GALNT13: variants seen among roughly 807,000 people sequenced by gnomAD.
GALNT13 encodes UDP-GalNAc:polypeptide N-acetylgalactosaminyltransferase 13.
GALNT13 carries 28 observed loss-of-function variants against 64.2 expected under a neutral mutation model. That is an observed-to-expected ratio of 0.44 (90% confidence interval 0.32 to 0.60). GALNT13 has a LOEUF of 0.60. Ranked by LOEUF, GALNT13 falls within the 20% of genes least tolerant of loss-of-function variation. The pLI is 0.05. For synonymous variants in GALNT13, 214 were observed against 224.6 expected (o/e 0.95, Z 0.42); for missense variants, 577 against 669.8 (o/e 0.86, Z 1.53).
chr2:153,317,251 C>T, the GALNT13 span, among the ~76,000 whole-genome samples: 1 of 152,026 alleles, frequency 6.6e-6, no homozygotes, highest in African/African-American at 2.4e-5. Context: ...CAATATAGTT[C>T]ATGTTTCAAA....
the GALNT13 span, among the ~76,000 whole-genome samples, chr2:153,100,965 G>T: frequency 6.6e-6 from 1 of 152,104 alleles, no homozygotes; most frequent in Non-Finnish European, 1.5e-5. Context: ...AGAGGCAGAG[G>T]TTGCAGTGAG....
the GALNT13 span, among the ~76,000 whole-genome samples, chr2:153,527,852 A>C: frequency 6.6e-6 from 1 of 151,962 alleles, no homozygotes. Flanking sequence ...TTTAATTTTT[A>C]TCAGCTTAAA....
rs578246818 is a variant in GALNT13, at chr2:154,435,721, G to A, written c.1396-2871G>A. ...AGTATTGGGAAGAAATCCTCAATTTGGGATTAACTCCAAGACTGGGAATAA... is the reference window on the plus strand; with the variant it reads ...AGTATTGGGAAGAAATCCTCAATTTAGGATTAACTCCAAGACTGGGAATAA... On this transcript the variant is annotated intron_variant, in intron 11 of 12. Coordinates refer to ENST00000392825, the MANE Select transcript of GALNT13 (RefSeq NM_052917.4). 1.4e-4 allele frequency: 22 copies of A among 152,180 alleles called. No homozygotes were observed. In the South Asian group the frequency reaches 4.6e-3, roughly 32 times the overall value. 9.4% of individuals were successfully genotyped at this position (152,180 alleles called of 1,614,324 possible). A position where few individuals can be genotyped will look rare whatever the true frequency, so the allele number is the denominator to read the frequency against.
At chr2:154,245,755 G>C in intron 6 of GALNT13, 57 bp from the exon 7 acceptor site, 1 of 1,176,690 alleles carries the variant, frequency 8.5e-7, no homozygotes, top group Non-Finnish European at 1.2e-6. Flanking sequence ...GTTTGAAGAA[G>C]ATAATGTAAC....
At chr2:154,098,528 G>A (rs889343240) in intron 3 of GALNT13, among the ~76,000 whole-genome samples, 6 of 151,914 alleles carry the variant, frequency 3.9e-5, no homozygotes, top group Non-Finnish European at 8.8e-5. Context: ...TGAGATTTGA[G>A]CTTCTAGTGT....
chr2:153,261,308 T>C, the GALNT13 span, among the ~76,000 whole-genome samples: 5 of 152,300 alleles, frequency 3.3e-5, no homozygotes, highest in East Asian at 7.8e-4. Flanking sequence ...GTATTTATTG[T>C]AGTATTCTCA....
chr2:153,279,098 A>AT, the GALNT13 span, among the ~76,000 whole-genome samples: 1 of 151,914 alleles, frequency 6.6e-6, no homozygotes, highest in Non-Finnish European at 1.5e-5. Context: ...AAACCTAGGT[A>AT]TTTTTTTGTG....
chr2:153,873,099 C>T (rs564455330), intron 1 of GALNT13, among the ~76,000 whole-genome samples: 2 of 152,268 alleles, frequency 1.3e-5, no homozygotes, highest in East Asian at 3.9e-4. Context: ...ATCTCTCTGC[C>T]CCGTCTTCCC....
At chr2:153,308,261 A>G in the GALNT13 span, among the ~76,000 whole-genome samples, 1 of 152,190 alleles carries the variant, frequency 6.6e-6, no homozygotes, top group East Asian at 1.9e-4. Flanking sequence ...TCTGAAATGT[A>G]TTACACACTT....
chr2:153,978,367 T>G (rs2105149213), intron 3 of GALNT13, among the ~76,000 whole-genome samples: 1 of 152,242 alleles, frequency 6.6e-6, no homozygotes, highest in African/African-American at 2.4e-5. Flanking sequence ...TTCCTCTTTG[T>G]TTTGCGTGAC....
the GALNT13 span, among the ~76,000 whole-genome samples, chr2:153,549,088 C>A: frequency 6.6e-6 from 1 of 152,092 alleles, no homozygotes; most frequent in East Asian, 1.9e-4. Context: ...AATAGATTAG[C>A]GGTTGCCAGG....
At chr2:153,537,031 T>G in the GALNT13 span, among the ~76,000 whole-genome samples, 1 of 152,208 alleles carries the variant, frequency 6.6e-6, no homozygotes, top group Non-Finnish European at 1.5e-5. Context: ...AGGTGAATAT[T>G]GAGCTGCTTT....
At chr2:153,321,959 T>G in the GALNT13 span, among the ~76,000 whole-genome samples, 1 of 139,760 alleles carries the variant, frequency 7.2e-6, no homozygotes, top group African/African-American at 2.7e-5. Flanking sequence ...TTTAACATAT[T>G]TTGTGTGTAA....
At chr2:153,291,807 A>G in the GALNT13 span, among the ~76,000 whole-genome samples, 240 of 151,210 alleles carry the variant, frequency 1.6e-3, 7 homozygotes, top group East Asian at 0.041. Flanking sequence ...AAATGTGTGT[A>G]AAAGTACGAA....
At chr2:154,255,849 C>T (rs1009482820) in intron 7 of GALNT13, among the ~76,000 whole-genome samples, 1 of 151,908 alleles carries the variant, frequency 6.6e-6, no homozygotes, top group Non-Finnish European at 1.5e-5. Flanking sequence ...CCCAGGAGTT[C>T]AAGATCAGCC....
rs1699046214 is a variant in GALNT13 at position 154,396,214 on chromosome 2, T to C, written c.1296+84T>C. ...AAGGAGCTCAGTATTTTTTATGTTATGAAAATGCTGTAAGGGATTTTTAAT... is the reference window on the plus strand; with the variant it reads ...AAGGAGCTCAGTATTTTTTATGTTACGAAAATGCTGTAAGGGATTTTTAAT... On this transcript the variant is annotated intron_variant, in intron 10 of 12. Coordinates refer to ENST00000392825, the MANE Select transcript of GALNT13 (RefSeq NM_052917.4). 4 of 837,186 alleles carry C rather than the reference T, an allele frequency of 4.8e-6. No individual in the cohort carries two copies. In the East Asian group the frequency reaches 8.8e-5, roughly 18 times the overall value. The allele number at this position is 837,186 out of a possible 1,614,324, so 51.9% of individuals were successfully genotyped here.
chr2:153,856,980 CA>C, the GALNT13 span, among the ~76,000 whole-genome samples: 1 of 151,314 alleles, frequency 6.6e-6, no homozygotes. Context: ...CAGAATTGGG[CA>C]AAAAAAGGTA....
chr2:154,086,185 T>C (rs1362617299), intron 3 of GALNT13, among the ~76,000 whole-genome samples: 1 of 148,216 alleles, frequency 6.7e-6, no homozygotes, highest in East Asian at 1.9e-4. Context: ...ACATATAATA[T>C]GTATAACATT....
chr2:153,152,330 G>A, the GALNT13 span, among the ~76,000 whole-genome samples: 10 of 151,956 alleles, frequency 6.6e-5, no homozygotes, highest in African/African-American at 9.7e-5. Flanking sequence ...ATATGGCCAG[G>A]TAAAATATTG....
Sources: allele counts gnomAD v4.1 joint callset (sites outside exome capture counted in the v4.1 genomes callset), GRCh38; gene constraint gnomAD v4.1.1; transcripts MANE v1.5; gene names NCBI Gene and HGNC (gene_info 2026-07-23, HGNC 2026-07-21).